The following PDE11A variants were observed in gnomAD, a reference collection of about 807,000 sequenced individuals.
PDE11A encodes the protein phosphodiesterase 11A, also known as dual 3',5'-cyclic-AMP and -GMP phosphodiesterase 11A.
A neutral mutation model predicts 100.5 loss-of-function variants in PDE11A; 100 were observed. The observed-to-expected ratio is 1.00, with a 90% confidence interval of 0.85 to 1.18. The LOEUF (loss-of-function observed/expected upper bound fraction) is 1.18. Ranked by LOEUF, PDE11A falls within the 50% of genes most tolerant of loss-of-function variation. The pLI is 0.00. For synonymous variants in PDE11A, 381 were observed against 420.8 expected (o/e 0.91, Z 1.16); for missense variants, 1,141 against 1,152.6 (o/e 0.99, Z 0.15).
At chr2:177,811,763 C>T (rs1227910028) in intron 9 of PDE11A, among the ~76,000 whole-genome samples, 5 of 152,036 alleles carry the variant, frequency 3.3e-5, no homozygotes, top group African/African-American at 4.8e-5. Flanking sequence ...GACTTTTCTG[C>T]AGATACATGT....
At position 177,968,534 on chromosome 2, in the gene PDE11A, A is replaced by C. The variant is rs10497479; in HGVS notation, c.1071+45768T>G. Among the ~76,000 whole-genome samples, 1,495 of 152,330 alleles carry C rather than the reference A, an allele frequency of 9.8e-3. 24 individuals are homozygous for C. Among genetic ancestry groups the C allele is most frequent in the African/African-American group, 0.034 (1,404 of 41,582 alleles). ...AGATAACAAAGAACTACTACATACAATTCCAAATAAACCCAAGCTTACATA... is the reference window on the plus strand; with the variant it reads ...AGATAACAAAGAACTACTACATACACTTCCAAATAAACCCAAGCTTACATA... On this transcript the variant is annotated intron_variant, in intron 2 of 19. Transcript: ENST00000286063.
At chr2:177,806,214 T>C (rs181368425) in intron 9 of PDE11A, among the ~76,000 whole-genome samples, 1 of 92,522 alleles carries the variant, frequency 1.1e-5, no homozygotes, top group Admixed American at 9.4e-5. Context: ...CTTACATTCT[T>C]GCACATGAAT....
At chr2:178,063,198 T>G (rs950916285) in intron 1 of PDE11A, among the ~76,000 whole-genome samples, 2 of 152,226 alleles carry the variant, frequency 1.3e-5, no homozygotes, top group African/African-American at 4.8e-5. Flanking sequence ...AAATTTAACA[T>G]ATCTGTGTTT....
At chr2:178,084,845 A>G (rs2087329522) in intron 2 of PDE11A, among the ~76,000 whole-genome samples, 1 of 151,968 alleles carries the variant, frequency 6.6e-6, no homozygotes, top group Non-Finnish European at 1.5e-5. Flanking sequence ...CAGGGAAAGT[A>G]TACCTTCTCA....
At chr2:178,106,547 A>G (rs2105891330) in intron 1 of PDE11A, among the ~76,000 whole-genome samples, 1 of 152,314 alleles carries the variant, frequency 6.6e-6, no homozygotes, top group Non-Finnish European at 1.5e-5. Context: ...CACTCACAAA[A>G]GCACATTTTT....
rs2084009716 is a variant in PDE11A at position 177,865,301 on chromosome 2, A to G, written c.1367+10558T>C. Among the ~76,000 whole-genome samples, 2 of 152,150 alleles carry G rather than the reference A, an allele frequency of 1.3e-5. 1 individual carries two copies. The highest frequency in any genetic ancestry group is 1.3e-4 in the Admixed American group (2 of 15,270). ...CCCTGCATCCCCCAAAAAAACAAAAACCACAATGAAATGCTGTGTCACATC... is the reference window on the plus strand; with the variant it reads ...CCCTGCATCCCCCAAAAAAACAAAAGCCACAATGAAATGCTGTGTCACATC... On this transcript the variant is annotated intron_variant, in intron 5 of 19. Transcript: ENST00000286063.
intron 2 of PDE11A, among the ~76,000 whole-genome samples, chr2:178,096,465 G>A (rs2087493276): frequency 1.3e-5 from 2 of 151,822 alleles, no homozygotes; most frequent in South Asian, 2.1e-4. Context: ...GAGCCACTGC[G>A]CCTGGCCCAC....
chr2:178,105,916 T>C (rs1276648015), intron 1 of PDE11A, among the ~76,000 whole-genome samples: 1 of 152,224 alleles, frequency 6.6e-6, no homozygotes, highest in Non-Finnish European at 1.5e-5. Context: ...GTTCTATTTT[T>C]CTGTTTTTGT....
intron 19 of PDE11A, among the ~76,000 whole-genome samples, chr2:177,656,557 C>T (rs899057084): frequency 6.6e-6 from 1 of 152,242 alleles, no homozygotes; most frequent in African/African-American, 2.4e-5. Context: ...GCTTATACTG[C>T]ATCCCATCAT....
chr2:177,716,901 C>T (rs1156498127), intron 12 of PDE11A, among the ~76,000 whole-genome samples: 1 of 152,024 alleles, frequency 6.6e-6, no homozygotes, highest in Non-Finnish European at 1.5e-5. Flanking sequence ...CAGTTATCAC[C>T]CATTTTATAA....
intron 1 of PDE11A, among the ~76,000 whole-genome samples, chr2:178,017,586 G>A (rs994679775): frequency 8.5e-5 from 13 of 152,120 alleles, no homozygotes; most frequent in African/African-American, 2.9e-4. Flanking sequence ...GATTACCTGT[G>A]GAGAGGAAGG....
intron 19 of PDE11A, among the ~76,000 whole-genome samples, chr2:177,636,538 A>G (rs1447319363): frequency 6.6e-6 from 1 of 152,184 alleles, no homozygotes; most frequent in African/African-American, 2.4e-5. Context: ...ACACTGTCAT[A>G]TAATTTTCTC....
At chr2:178,077,029 G>A (rs1172846895), upstream of PDE11A, among the ~76,000 whole-genome samples, 2 of 152,196 alleles carry the variant, frequency 1.3e-5, no homozygotes, top group Non-Finnish European at 2.9e-5. Context: ...GGTTTCAAGA[G>A]GGAGTGTTGC....
intron 2 of PDE11A, among the ~76,000 whole-genome samples, chr2:178,008,724 G>A (rs1366493214): frequency 6.6e-6 from 1 of 152,118 alleles, no homozygotes; most frequent in African/African-American, 2.4e-5. Context: ...GCATCATTCA[G>A]GCACCATCCT....
At position 177,629,175 on chromosome 2, in the gene PDE11A, T is replaced by C. The variant is rs1198469230; in HGVS notation, c.*232A>G. ...TTCATTTCAGCCCATGCGTGTTCAT[T>C]AGGGAAAAGTGAGGGTCCTGGGGTG... On this transcript the variant is annotated 3_prime_UTR_variant, in exon 20 of 20. Coordinates refer to ENST00000286063, the MANE Select transcript of PDE11A (RefSeq NM_016953.4). 10 of 563,852 alleles carry C rather than the reference T, an allele frequency of 1.8e-5. No homozygotes were observed. Among genetic ancestry groups the C allele is most frequent in the Non-Finnish European group, 2.9e-5 (9 of 314,408 alleles). The allele number at this position is 563,852 out of a possible 1,614,324, so 34.9% of individuals were successfully genotyped here. A position where few individuals can be genotyped will look rare whatever the true frequency, so the allele number is the denominator to read the frequency against.
At chr2:177,890,074 C>G (rs957354852) in intron 4 of PDE11A, among the ~76,000 whole-genome samples, 1 of 152,180 alleles carries the variant, frequency 6.6e-6, no homozygotes, top group South Asian at 2.1e-4. Flanking sequence ...TGTGTTCTCA[C>G]CAACACTGCT....
chr2:177,986,199 GA>G (rs2085937344), intron 2 of PDE11A, among the ~76,000 whole-genome samples: 1 of 152,126 alleles, frequency 6.6e-6, no homozygotes, highest in African/African-American at 2.4e-5. Flanking sequence ...AGACCTTCAG[GA>G]AAGTGGGGAT....
Position 177,816,736 on chromosome 2 carries a change from A to G in PDE11A, c.1737+93T>C. 3.8e-6 allele frequency: 3 copies of G among 785,682 alleles called. No homozygotes were observed. In the South Asian group the frequency reaches 4.1e-5, roughly 11 times the overall value. 48.7% of individuals were successfully genotyped at this position (785,682 alleles called of 1,614,324 possible). On this transcript the variant is annotated intron_variant, in intron 9 of 19. Coordinates refer to ENST00000286063, the MANE Select transcript of PDE11A (RefSeq NM_016953.4). ...GATTAAGGCCCAATGAATAATTAAA[A>G]TTTGAGAAATTAAGCCCCATAACCA... is the stretch of plus-strand genomic sequence containing the variant.
At chr2:177,915,382 T>C (rs2084938052) in intron 2 of PDE11A, among the ~76,000 whole-genome samples, 1 of 152,224 alleles carries the variant, frequency 6.6e-6, no homozygotes. Flanking sequence ...TGGCAACCAC[T>C]GATCTTTTTA....
Sources: gnomAD v4.1 joint callset for allele counts (sites outside exome capture counted in the v4.1 genomes callset) on GRCh38, gnomAD v4.1.1 for gene constraint, MANE v1.5 for transcripts, NCBI Gene and HGNC (gene_info 2026-07-23, HGNC 2026-07-21) for gene names.